LIAT1: variants seen among roughly 807,000 people sequenced by gnomAD.
The protein encoded by LIAT1 is protein LIAT1.
At chr17:412,253 G>T in the LIAT1 span, among the ~76,000 whole-genome samples, 1 of 151,820 alleles carries the variant, frequency 6.6e-6, no homozygotes, top group East Asian at 1.9e-4. Flanking sequence ...AGTGAGCCAA[G>T]ATTGTGCCAC....
the LIAT1 span, chr17:410,554 CCCCCATCACAGGCGGCGCCTCCGAGCTG>C: frequency 6.5e-7 from 1 of 1,546,830 alleles, no homozygotes; most frequent in Non-Finnish European, 8.7e-7. Context: ...TCTAGACTGC[CCCCCATCACAGGCGGCGCCTCCGAGCTG>C]GCCAAACGGA....
the LIAT1 span, chr17:410,798 C>G: frequency 2.9e-6 from 2 of 697,810 alleles, no homozygotes; most frequent in African/African-American, 3.6e-5. Context: ...GTCAGCAGCA[C>G]GTTGATGCCC....
At chr17:414,545 A>C in the LIAT1 span, 1 of 168,726 alleles carries the variant, frequency 5.9e-6, no homozygotes, top group Admixed American at 5.7e-5. This position sits in a 1 kb window ranked among gnomAD's most constrained non-coding sequence, Gnocchi z 4.1. Flanking sequence ...GTTTTAATTA[A>C]ATGCATGGCC....
chr17:413,243 CACAG>C, the LIAT1 span: 7 of 1,614,230 alleles, frequency 4.3e-6, no homozygotes, highest in East Asian at 1.3e-4. Context: ...GAAACCAGAG[CACAG>C]ACAGAGCAAA....
At chr17:413,364 G>T in the LIAT1 span, 5 of 1,614,248 alleles carry the variant, frequency 3.1e-6, no homozygotes, top group Admixed American at 1.7e-5. Flanking sequence ...CGTTGGGATG[G>T]AATTCTTGCT....
chr17:410,396 CGGCATCG>C, the LIAT1 span: 1 of 1,524,282 alleles, frequency 6.6e-7, no homozygotes, highest in African/African-American at 1.4e-5. Context: ...GCCGATTAGT[CGGCATCG>C]GGCCTCGGGC....
chr17:410,384 T>G, the LIAT1 span: 14 of 1,520,538 alleles, frequency 9.2e-6, no homozygotes, highest in East Asian at 2.5e-5. Flanking sequence ...GCGCTGAGAG[T>G]CGCCGATTAG....
At chr17:413,031 C>A in the LIAT1 span, 9 of 1,203,624 alleles carry the variant, frequency 7.5e-6, no homozygotes, top group Admixed American at 2.4e-5. Flanking sequence ...GCAGCCTGAG[C>A]CCTGGGTACG....
chr17:412,773 C>T, the LIAT1 span, among the ~76,000 whole-genome samples: 12 of 152,202 alleles, frequency 7.9e-5, no homozygotes, highest in Non-Finnish European at 1.3e-4. Flanking sequence ...GAGGGCAGCA[C>T]GGCCCAGTGG....
the LIAT1 span, chr17:410,478 A>G: frequency 1.9e-5 from 29 of 1,541,442 alleles, no homozygotes; most frequent in East Asian, 2.5e-5. Flanking sequence ...GGCGGGGACA[A>G]TGGGGTACAA....
At chr17:413,647 C>T in the LIAT1 span, 1 of 1,567,508 alleles carries the variant, frequency 6.4e-7, no homozygotes, top group Non-Finnish European at 8.6e-7. Flanking sequence ...TCCACCCCGA[C>T]CCTGAGGCCC....
chr17:411,031 A>G, the LIAT1 span, among the ~76,000 whole-genome samples: 1 of 152,170 alleles, frequency 6.6e-6, no homozygotes, highest in Non-Finnish European at 1.5e-5. Flanking sequence ...CATTGATGCC[A>G]CATGAAAGGC....
chr17:410,377 C>T, the LIAT1 span: 7 of 1,518,898 alleles, frequency 4.6e-6, no homozygotes, highest in African/African-American at 9.9e-5. Flanking sequence ...GCGGTCCGCG[C>T]TGAGAGTCGC....
the LIAT1 span, among the ~76,000 whole-genome samples, chr17:412,394 A>T: frequency 6.6e-6 from 1 of 152,134 alleles, no homozygotes; most frequent in Admixed American, 6.6e-5. Flanking sequence ...AATTACAGTG[A>T]CATGTGCCTC....
At chr17:410,771 G>C in the LIAT1 span, 1 of 840,216 alleles carries the variant, frequency 1.2e-6, no homozygotes, top group Non-Finnish European at 1.8e-6. Context: ...AGGTCCTCCT[G>C]CTCCCCACAC....
At chr17:413,915 G>C in the LIAT1 span, 1 of 1,610,816 alleles carries the variant, frequency 6.2e-7, no homozygotes, top group Non-Finnish European at 8.5e-7. Context: ...CTTCCACCCC[G>C]ACCCCGAGGC....
At chr17:413,701 C>T in the LIAT1 span, 1 of 1,580,058 alleles carries the variant, frequency 6.3e-7, no homozygotes. Flanking sequence ...AGGGTTTCCA[C>T]ATTGACCCCG....
At chr17:413,345 G>C in the LIAT1 span, 7 of 1,614,256 alleles carry the variant, frequency 4.3e-6, no homozygotes, top group Non-Finnish European at 5.9e-6. Flanking sequence ...TCGGATCAAC[G>C]AAAGTCTGCG....
At chr17:412,527 G>A in the LIAT1 span, among the ~76,000 whole-genome samples, 1 of 152,028 alleles carries the variant, frequency 6.6e-6, no homozygotes, top group South Asian at 2.1e-4. Context: ...ACCACAATTT[G>A]TAGCATTTTA....
Sources: gnomAD v4.1 joint callset for allele counts (sites outside exome capture counted in the v4.1 genomes callset) on GRCh38, gnomAD v4.1.1 for gene constraint, Gnocchi (gnomAD v3.1) non-coding constraint, MANE v1.5 for transcripts, NCBI Gene and HGNC (gene_info 2026-07-23, HGNC 2026-07-21) for gene names.